MDN1: variants seen among roughly 807,000 people sequenced by gnomAD.
MDN1 encodes midasin AAA ATPase 1, also known as midasin.
In MDN1, 266 loss-of-function variants were observed where a neutral mutation model predicts 669.2. The observed-to-expected ratio is 0.40, with a 90% CI of 0.36 to 0.44. The LOEUF (loss-of-function observed/expected upper bound fraction) is 0.44. Among genes scored for constraint, MDN1 ranks in the 20% least tolerant of loss-of-function variants. The pLI is 1.00. For synonymous variants in MDN1, 2,385 were observed against 2,457.1 expected (o/e 0.97, Z 0.87); for missense variants, 5,940 against 6,754.0 (o/e 0.88, Z 4.22).
chr6:89,732,739 T>C lies in MDN1; in HGVS notation c.4760A>G (p.Asp1587Gly). 1 of 1,613,980 alleles carries C rather than the reference T, an allele frequency of 6.2e-7. No individual in the cohort carries two copies. The highest frequency in any genetic ancestry group is 8.5e-7 in the Non-Finnish European group (1 of 1,179,964). The stretch of plus-strand genomic sequence containing the variant: ...GCCAAACTCTTGGTGGGTCAGCCAG[T>C]CAATGAAATCCAGCATCACTTCAGG... ...DIPEVMLDFI[D>G]WLTHQEFGRK... Residue 1587 changes from aspartate (D) to glycine (G), a missense_variant, in exon 34 of 102, where the codon GAC becomes GGC. Coordinates refer to ENST00000369393, the MANE Select transcript of MDN1 (RefSeq NM_014611.3).
At chr6:89,743,403 G>T in intron 30 of MDN1, 123 bp from the exon 31 acceptor site, 1 of 1,401,776 alleles carries the variant, frequency 7.1e-7, no homozygotes, top group Non-Finnish European at 9.8e-7. Flanking sequence ...TCTGAGAACA[G>T]GAGATAGAAC....
At chr6:89,684,161 G>A (rs955839088) in intron 71 of MDN1, among the ~76,000 whole-genome samples, 1 of 152,090 alleles carries the variant, frequency 6.6e-6, no homozygotes, top group Non-Finnish European at 1.5e-5. Context: ...TGGCCAACAT[G>A]GTGAAACCCC....
intron 13 of MDN1, among the ~76,000 whole-genome samples, chr6:89,773,870 C>A (rs1439625967): frequency 6.6e-6 from 1 of 151,804 alleles, no homozygotes; most frequent in African/African-American, 2.4e-5. Flanking sequence ...GAGGCTGAGG[C>A]AGGAGAATCG....
chr6:89,744,039 G>C (rs1816436535), intron 29 of MDN1, among the ~76,000 whole-genome samples: 1 of 146,910 alleles, frequency 6.8e-6, no homozygotes. Context: ...GGAGGCGGAG[G>C]TTGTGGTGAG....
chr6:89,742,545 A>C (rs765885112), intron 31 of MDN1, among the ~76,000 whole-genome samples: 1 of 152,210 alleles, frequency 6.6e-6, no homozygotes, highest in Non-Finnish European at 1.5e-5. Flanking sequence ...TCAGTGACTC[A>C]GTTCTATGCA....
At chr6:89,774,938 C>G (rs1287349918) in intron 12 of MDN1, among the ~76,000 whole-genome samples, 1 of 152,032 alleles carries the variant, frequency 6.6e-6, no homozygotes, top group Non-Finnish European at 1.5e-5. Flanking sequence ...TCATGTTTCC[C>G]TAAAATGGTA....
At chr6:89,667,521 A>T (rs2038337) in intron 84 of MDN1, among the ~76,000 whole-genome samples, 128,787 of 152,208 alleles carry the variant, frequency 0.85, 54,640 homozygotes, top group East Asian at 1. Context: ...AAAAAATCCA[A>T]GCAATGTAAC....
intron 2 of MDN1, among the ~76,000 whole-genome samples, chr6:89,796,768 A>T (rs1819631831): frequency 6.7e-6 from 1 of 149,982 alleles, no homozygotes; most frequent in Non-Finnish European, 1.5e-5. Flanking sequence ...GTTTGTTTTT[A>T]ATTTTATAAA....
chr6:89,745,179 G>C (rs1336691664), intron 29 of MDN1, 94 bp downstream of exon 29: 15 of 1,275,228 alleles, frequency 1.2e-5, no homozygotes, highest in African/African-American at 1.6e-5. Flanking sequence ...GGAAAGAAGG[G>C]GGGATTAATA....
rs139795382 is a variant in MDN1 at position 89,655,633 on chromosome 6, T to C, written c.15490+131A>G. ...AGGCACAGCTGACTTGACTTGATCA[T>C]TAAACATTGTATACATGTATCAAAA... On this transcript the variant is annotated intron_variant, in intron 92 of 101. Transcript: ENST00000369393. 2,925 of 836,102 alleles carry C rather than the reference T, an allele frequency of 3.5e-3. 18 individuals are homozygous for C. The highest frequency in any genetic ancestry group is 0.023 in the Middle Eastern group (64 of 2,736). The allele number at this position is 836,102 out of a possible 1,614,324, so 51.8% of individuals were successfully genotyped here. A position where few individuals can be genotyped will look rare whatever the true frequency, so the allele number is the denominator to read the frequency against.
At chr6:89,734,898 T>G (rs935173757) in intron 33 of MDN1, among the ~76,000 whole-genome samples, 2 of 143,330 alleles carry the variant, frequency 1.4e-5, no homozygotes, top group African/African-American at 2.5e-5. Context: ...GTTTCTTGGT[T>G]GTTTTTTTTT....
intron 27 of MDN1, among the ~76,000 whole-genome samples, chr6:89,746,412 T>C (rs1429572692): frequency 2.0e-5 from 3 of 151,532 alleles, no homozygotes; most frequent in African/African-American, 4.8e-5. Flanking sequence ...GGAAACACCA[T>C]CTCTACAAAA....
Position 89,695,862 on chromosome 6 carries a change from C to T in MDN1, c.9514G>A (p.Ala3172Thr). ...CEQLLLGSSQ[A>T]FQHVGQTLGD... ...AGTGTCTGGCCCACATGCTGGAAGG[C>T]CTGGCTGCTCCCAAGCAGCAGCTGC... The change falls in exon 61 of 102, where the codon GCC becomes ACC. Residue 3172 changes from alanine to threonine, a missense_variant. Ala to Thr is a moderately conservative substitution (Grantham distance 58). Around this residue, in one of 5 missense-constraint regions of MDN1, gnomAD observed 2,292 missense variants for 2,638.3 expected, o/e 0.87. Transcript: ENST00000369393. The surrounding 1 kb of genome is among the most constrained non-coding windows in gnomAD (Gnocchi z 4.1). 1.2e-6 allele frequency: 2 copies of T among 1,613,584 alleles called. No homozygotes were observed. The highest frequency in any genetic ancestry group is 1.7e-6 in the Non-Finnish European group (2 of 1,180,026).
chr6:89,673,698 TTACTA>T, intron 79 of MDN1: 1 of 543,866 alleles, frequency 1.8e-6, no homozygotes, highest in Non-Finnish European at 3.2e-6. Flanking sequence ...ATGGAATAAA[TTACTA>T]AATTTATTCC....
intron 68 of MDN1, 24 bp from the exon 69 acceptor site, chr6:89,687,047 G>A: frequency 6.2e-7 from 1 of 1,607,604 alleles, no homozygotes; most frequent in South Asian, 1.1e-5. Context: ...AAGCCAAGGA[G>A]GCATTTAGGA....
intron 58 of MDN1, 70 bp downstream of exon 58, chr6:89,699,525 TTCCCAA>T: frequency 6.7e-7 from 1 of 1,487,916 alleles, no homozygotes; most frequent in East Asian, 2.3e-5. Context: ...AATAAAATGT[TTCCCAA>T]CCAGTCTGTC....
chr6:89,703,369 A>G (rs1219337608), intron 53 of MDN1, among the ~76,000 whole-genome samples: 4 of 136,028 alleles, frequency 2.9e-5, no homozygotes, highest in Admixed American at 7.4e-5. Flanking sequence ...TGTATGGGGA[A>G]GGGGGGGGGG....
intron 64 of MDN1, 60 bp from the exon 65 acceptor site, chr6:89,690,203 T>C (rs1196846317): frequency 2.0e-6 from 3 of 1,519,822 alleles, no homozygotes; most frequent in Non-Finnish European, 2.7e-6. Flanking sequence ...CTAATCAGAC[T>C]AAAAGGAAGA....
chr6:89,680,724 C>A lies in MDN1; in HGVS notation c.12130G>T (p.Ala4044Ser), dbSNP rs9353689. 0.51 allele frequency: 817,589 copies of A among 1,613,500 alleles called. 214,216 individuals carry two copies. Among genetic ancestry groups the A allele is most frequent in the East Asian group, 0.91 (40,934 of 44,838 alleles). Reference protein sequence around the residue: ...QATIPEWCQGAAPSGLEGELL... With the variant: ...QATIPEWCQGSAPSGLEGELL... ...TCCCCTTCCAAGCCGGAAGGAGCAGCGCCCTGACACCACTCTGGAATTGTG... is the reference window on the plus strand; with the variant it reads ...TCCCCTTCCAAGCCGGAAGGAGCAGAGCCCTGACACCACTCTGGAATTGTG... Residue 4044 changes from alanine to serine, a missense_variant, in exon 74 of 102, where the codon GCT becomes TCT. Coordinates refer to ENST00000369393, the MANE Select transcript of MDN1 (RefSeq NM_014611.3).
Sources: allele counts gnomAD v4.1 joint callset (sites outside exome capture counted in the v4.1 genomes callset), GRCh38; gene constraint gnomAD v4.1.1; regional missense constraint gnomAD v4.1.1; non-coding constraint Gnocchi (gnomAD v3.1); transcripts MANE v1.5; gene names NCBI Gene and HGNC (gene_info 2026-07-23, HGNC 2026-07-21).